The following TBPL1 variants were observed in gnomAD, a reference collection of about 807,000 sequenced individuals.
TBPL1 encodes TATA-box binding protein like 1.
A neutral mutation model predicts 22.1 loss-of-function variants in TBPL1; 4 were observed. The ratio of observed to expected loss-of-function variants is 0.18; its 90% CI spans 0.09 to 0.41. The LOEUF (loss-of-function observed/expected upper bound fraction) is 0.41. TBPL1 is among the 10% of genes least tolerant of loss of function. The probability of loss-of-function intolerance (pLI) is 1.00; values close to 1 mark genes in which losing one functional copy is unlikely to be tolerated. For synonymous variants in TBPL1, 64 were observed against 71.0 expected, an observed-to-expected ratio of 0.90 and a Z score of 0.50; for missense variants, 115 against 222.3, an observed-to-expected ratio of 0.52 and a Z score of 3.07.
At chr6:133,954,790 T>C (rs1434676632) in intron 1 of TBPL1, among the ~76,000 whole-genome samples, 3 of 152,196 alleles carry the variant, frequency 2.0e-5, no homozygotes, top group Non-Finnish European at 4.4e-5. Context: ...CCCAGCCTCC[T>C]CTTTACGTAC....
chr6:133,986,368 A>C (rs926227987), intron 6 of TBPL1, among the ~76,000 whole-genome samples: 2 of 152,194 alleles, frequency 1.3e-5, no homozygotes, highest in African/African-American at 4.8e-5. Context: ...TTGTTCAAGA[A>C]TTAGCATAAT....
At chr6:133,967,680 TAAAC>T (rs1407582711) in intron 1 of TBPL1, among the ~76,000 whole-genome samples, 1 of 152,190 alleles carries the variant, frequency 6.6e-6, no homozygotes, top group Non-Finnish European at 1.5e-5. Flanking sequence ...TTTGGGTATC[TAAAC>T]ATAGGAAAGG....
intron 1 of TBPL1, among the ~76,000 whole-genome samples, chr6:133,972,533 G>A (rs1362543684): frequency 6.6e-6 from 1 of 152,158 alleles, no homozygotes; most frequent in Non-Finnish European, 1.5e-5. Flanking sequence ...TGGTTCATTT[G>A]GTTCTTGTCA....
intron 1 of TBPL1, among the ~76,000 whole-genome samples, chr6:133,979,619 A>G (rs3777896): frequency 0.078 from 11,920 of 152,262 alleles, 450 homozygotes; most frequent in Admixed American, 0.085. Context: ...TTTAAAAATG[A>G]CATTTTTAGT....
intron 1 of TBPL1, among the ~76,000 whole-genome samples, chr6:133,975,799 G>A (rs1264901115): frequency 6.6e-6 from 1 of 152,178 alleles, no homozygotes; most frequent in Non-Finnish European, 1.5e-5. Flanking sequence ...AAGGTGAGGA[G>A]GATGTGATTT....
chr6:133,989,238 T>C lies in TBPL1; in HGVS notation c.*2198T>C, dbSNP rs915554230. On this transcript the variant is annotated 3_prime_UTR_variant, in exon 7 of 7. Coordinates refer to ENST00000237264, the MANE Select transcript of TBPL1 (RefSeq NM_004865.4). ...TGAATATATATGTACAAGTTGTAAG[T>C]ATTTCCCCCTTTTTATTTTTGAAAA... is the stretch of plus-strand genomic sequence containing the variant. The C allele has an allele frequency of 6.6e-6, 1 of 152,176 alleles. No homozygotes were observed. Among genetic ancestry groups the C allele is most frequent in the African/African-American group, 2.4e-5 (1 of 41,444 alleles). 9.4% of individuals were successfully genotyped at this position (152,176 alleles called of 1,614,324 possible). A position where few individuals can be genotyped will look rare whatever the true frequency, so the allele number is the denominator to read the frequency against.
chr6:133,979,998 ATT>A (rs1776380765), intron 1 of TBPL1, 82 bp from the exon 2 acceptor site: 6 of 1,052,386 alleles, frequency 5.7e-6, no homozygotes, highest in Admixed American at 7.2e-5. Context: ...ATATAGATTC[ATT>A]TTTTACATTT....
intron 1 of TBPL1, among the ~76,000 whole-genome samples, chr6:133,962,178 C>G (rs976926951): frequency 1.3e-5 from 2 of 152,050 alleles, no homozygotes; most frequent in South Asian, 4.1e-4. Context: ...TAAGGAAGAT[C>G]GGGGGTGGGA....
chr6:133,967,359 TTATA>T (rs1239897579), intron 1 of TBPL1, among the ~76,000 whole-genome samples: 1 of 152,224 alleles, frequency 6.6e-6, no homozygotes, highest in African/African-American at 2.4e-5. Context: ...TTAATATTCT[TTATA>T]TATTAGAGCT....
intron 1 of TBPL1, among the ~76,000 whole-genome samples, chr6:133,955,486 T>C (rs904413576): frequency 6.6e-6 from 1 of 152,128 alleles, no homozygotes; most frequent in African/African-American, 2.4e-5. Context: ...TTAATGTGAT[T>C]TTATCTGTTG....
rs932447879 is a variant in TBPL1 at position 133,982,969 on chromosome 6, A to G, written c.282+89A>G. The stretch of plus-strand genomic sequence containing the variant: ...ATTGTAATAGACTCAAGAAATCACT[A>G]TGCGTACTATTCTTATGATTAAACT... On this transcript the variant is annotated intron_variant, in intron 4 of 6. Transcript: ENST00000237264. 15 of 1,205,766 alleles carry G rather than the reference A, an allele frequency of 1.2e-5. No individual in the cohort carries two copies. In the African/African-American group the frequency reaches 2.1e-4, roughly 17 times the overall value. 74.7% of individuals were successfully genotyped at this position (1,205,766 alleles called of 1,614,324 possible).
Position 133,987,648 on chromosome 6 carries a change from G to GTGTGTGTATATATATATATATATATATA in TBPL1, c.*609_*610insGTGTGTATATATATATATATATATATAT, listed in dbSNP as rs200249148. 1.1e-4 allele frequency: 10 copies of GTGTGTGTATATATATATATATATATATA among 88,314 alleles called. No individual in the cohort carries two copies. The highest frequency in any genetic ancestry group is 2.0e-4 in the Non-Finnish European group (7 of 35,234). 5.5% of individuals were successfully genotyped at this position (88,314 alleles called of 1,614,324 possible). On this transcript the variant is annotated 3_prime_UTR_variant, in exon 7 of 7. Transcript: ENST00000237264. ...TTTGTGTGTGTGTGTGTGTGTGTGTGTATATATATATATATATATGCACCA... is the reference window on the plus strand; with the variant it reads ...TTTGTGTGTGTGTGTGTGTGTGTGTGTGTGTGTATATATATATATATATATATATATATATATATATATATATGCACCA...
At position 133,990,369 on chromosome 6, in the gene TBPL1, G is replaced by A. The variant is rs1776604196; in HGVS notation, c.*3329G>A. 1 of 152,546 alleles carries A rather than the reference G, an allele frequency of 6.6e-6. No individual in the cohort carries two copies. The highest frequency in any genetic ancestry group is 1.5e-5 in the Non-Finnish European group (1 of 68,038). 9.4% of individuals were successfully genotyped at this position (152,546 alleles called of 1,614,324 possible). On this transcript the variant is annotated 3_prime_UTR_variant, in exon 7 of 7. Coordinates refer to ENST00000237264, the MANE Select transcript of TBPL1 (RefSeq NM_004865.4). The stretch of plus-strand genomic sequence containing the variant: ...ATTTGGATAAATAACCTAATGGCCT[G>A]ACTCCTTTTCTAATGTTTTACTAAC...
upstream of TBPL1, chr6:133,953,166 C>T (rs1037125099): frequency 2.0e-5 from 3 of 152,654 alleles, no homozygotes; most frequent in Non-Finnish European, 4.4e-5. Context: ...CCCTCGCGCA[C>T]TGTCTCTATG....
Position 133,984,131 on chromosome 6 carries a change from A to C in TBPL1, c.283-245A>C, listed in dbSNP as rs10485159. Reference sequence around the variant, plus strand: ...GTATTAAAAAATTAAACATATGATTAGAAAGACCCATACTGTTTTGATCAT... The same window carrying C: ...GTATTAAAAAATTAAACATATGATTCGAAAGACCCATACTGTTTTGATCAT... On this transcript the variant is annotated intron_variant, in intron 4 of 6. Coordinates refer to ENST00000237264, the MANE Select transcript of TBPL1 (RefSeq NM_004865.4). Among the ~76,000 whole-genome samples, 1,284 of 152,334 alleles carry C rather than the reference A, an allele frequency of 8.4e-3. 38 individuals carry two copies. The highest frequency in any genetic ancestry group is 0.062 in the Admixed American group (949 of 15,300).
chr6:133,977,287 A>T (rs1301869223), intron 1 of TBPL1, among the ~76,000 whole-genome samples: 1 of 152,198 alleles, frequency 6.6e-6, no homozygotes, highest in Admixed American at 6.5e-5. Flanking sequence ...CTCATATTAT[A>T]AAAATATGAA....
chr6:133,980,650 AG>A (rs1417115817), intron 2 of TBPL1, among the ~76,000 whole-genome samples: 1 of 151,580 alleles, frequency 6.6e-6, no homozygotes, highest in Non-Finnish European at 1.5e-5. Flanking sequence ...TCTTTAACAA[AG>A]GTAGATGGTT....
intron 2 of TBPL1, among the ~76,000 whole-genome samples, chr6:133,981,599 G>A (rs9321424): frequency 0.38 from 57,862 of 152,028 alleles, 13,486 homozygotes; most frequent in Non-Finnish European, 0.55. Context: ...ATTTTATAAT[G>A]TATTTTAGTT....
At position 133,982,559 on chromosome 6, in the gene TBPL1, T is replaced by C. The variant is rs200940791; in HGVS notation, c.136-9T>C. On this transcript the variant is annotated splice_polypyrimidine_tract_variant and intron_variant, in intron 2 of 6. Coordinates refer to ENST00000237264, the MANE Select transcript of TBPL1 (RefSeq NM_004865.4). ...GCTTATGAGGTAATCAGATTTTTTT[T>C]CCCCCCAGAAAGTATTAATGAAGCT... 5.2e-5 allele frequency: 83 copies of C among 1,606,298 alleles called. No individual in the cohort carries two copies. Among genetic ancestry groups the C allele is most frequent in the East Asian group, 3.4e-4 (15 of 44,756 alleles).
Sources: gnomAD v4.1 joint callset for allele counts (sites outside exome capture counted in the v4.1 genomes callset) on GRCh38, gnomAD v4.1.1 for gene constraint, MANE v1.5 for transcripts, NCBI Gene and HGNC (gene_info 2026-07-23, HGNC 2026-07-21) for gene names.